The following DDX24 variants were observed in gnomAD, a reference collection of about 807,000 sequenced individuals.
The protein encoded by DDX24 is DEAD-box helicase 24, also known as ATP-dependent RNA helicase DDX24.
DDX24 carries 24 observed loss-of-function variants against 68.9 expected under a neutral mutation model. The ratio of observed to expected loss-of-function variants is 0.35; its 90% confidence interval spans 0.25 to 0.49. DDX24 has a LOEUF of 0.49. Among genes scored for constraint, DDX24 ranks in the 20% least tolerant of loss-of-function variants. The probability of loss-of-function intolerance (pLI) is 0.99; values close to 1 mark genes in which losing one functional copy is unlikely to be tolerated. For synonymous variants in DDX24, 395 were observed against 385.2 expected (o/e 1.03, Z -0.30); for missense variants, 989 against 1,039.0 (o/e 0.95, Z 0.66).
intron 7 of DDX24, 43 bp from the exon 8 acceptor site, chr14:94,053,170 A>G (rs977118805): frequency 2.5e-6 from 4 of 1,612,430 alleles, no homozygotes; most frequent in Middle Eastern, 1.7e-4. Flanking sequence ...AATAGAGTTC[A>G]GGCCTCTGGG....
intron 2 of DDX24, among the ~76,000 whole-genome samples, chr14:94,064,423 T>C (rs935445608): frequency 6.6e-6 from 1 of 152,226 alleles, no homozygotes; most frequent in African/African-American, 2.4e-5. Context: ...CTGGAGTCCC[T>C]AGACAGCTTC....
chr14:94,063,788 C>T (rs984289966), intron 2 of DDX24, among the ~76,000 whole-genome samples: 109 of 152,100 alleles, frequency 7.2e-4, no homozygotes, highest in African/African-American at 2.5e-3. Context: ...CTGTAGTCTT[C>T]GAAACTTGGG....
Position 94,048,882 on chromosome 14 carries a change from C to G in DDX24, c.*2309G>C, listed in dbSNP as rs775306730. The stretch of plus-strand genomic sequence containing the variant: ...ATGTGGGCCAAGCCCTACAGCTTCC[C>G]TAGGCAGTAAGTAAAAACATTCTCC... On this transcript the variant is annotated 3_prime_UTR_variant, in exon 9 of 9. Coordinates refer to ENST00000621632, the MANE Select transcript of DDX24 (RefSeq NM_020414.4). The G allele has an allele frequency of 3.3e-5, 5 of 152,246 alleles. No homozygotes were observed. Among genetic ancestry groups the G allele is most frequent in the African/African-American group, 4.8e-5 (2 of 41,468 alleles). The allele number at this position is 152,246 out of a possible 1,614,324, so 9.4% of individuals were successfully genotyped here.
intron 6 of DDX24, chr14:94,056,928 G>A (rs148131622): frequency 6.6e-6 from 1 of 152,164 alleles, no homozygotes. Context: ...TGAGTTTGTT[G>A]TTTCTCTGAA....
chr14:94,051,077 G>A lies in DDX24; in HGVS notation c.*114C>T. ...TCCCGCTATGGGTGTGAGTGGAAGA[G>A]AGGGAGACTTTTTTACCTGGGGTTG... On this transcript the variant is annotated 3_prime_UTR_variant, in exon 9 of 9. Coordinates refer to ENST00000621632, the MANE Select transcript of DDX24 (RefSeq NM_020414.4). 7.6e-7 allele frequency: 1 copy of A among 1,314,598 alleles called. No individual in the cohort carries two copies. Among genetic ancestry groups the A allele is most frequent in the Admixed American group, 2.7e-5 (1 of 37,384 alleles). The allele number at this position is 1,314,598 out of a possible 1,614,324, so 81.4% of individuals were successfully genotyped here. A position where few individuals can be genotyped will look rare whatever the true frequency, so the allele number is the denominator to read the frequency against.
intron 3 of DDX24, among the ~76,000 whole-genome samples, chr14:94,061,740 A>ACT (rs1885601139): frequency 1.3e-5 from 2 of 152,118 alleles, no homozygotes; most frequent in South Asian, 4.1e-4. Flanking sequence ...ACAACTATTA[A>ACT]CTCTACTCAA....
chr14:94,052,510 C>A (rs148180656), intron 8 of DDX24, among the ~76,000 whole-genome samples: 2 of 152,310 alleles, frequency 1.3e-5, no homozygotes, highest in Non-Finnish European at 2.9e-5. Flanking sequence ...GTAGTAGGAA[C>A]CATAATGACA....
At chr14:94,053,260 G>A in intron 7 of DDX24, 133 bp from the exon 8 acceptor site, 19 of 1,126,998 alleles carry the variant, frequency 1.7e-5, no homozygotes, top group South Asian at 3.0e-5. Context: ...GCAGTGGCAT[G>A]ATCATGGCTC....
chr14:94,074,194 G>A (rs1201054382), intron 2 of DDX24, among the ~76,000 whole-genome samples: 1 of 152,116 alleles, frequency 6.6e-6, no homozygotes, highest in Non-Finnish European at 1.5e-5. Context: ...TGTCAATCCT[G>A]TATAAATTCT....
In DDX24 at chr14:94,064,583, C is replaced by T. The variant is rs1006627959; in HGVS notation, c.719-1962G>A. ...ATGGAACCTCCACAAAATCTCTAAA[C>T]GATGGAGTTCGGATAGATTCCAGGG... On this transcript the variant is annotated intron_variant, in intron 2 of 8. Transcript: ENST00000621632. 3.3e-5 allele frequency among the ~76,000 whole-genome samples: 5 copies of T among 152,234 alleles called. No homozygotes were observed. The South Asian group carries it at 8.3e-4, about 25-fold the overall frequency.
chr14:94,073,678 T>A (rs756322015), intron 2 of DDX24, among the ~76,000 whole-genome samples: 20 of 152,100 alleles, frequency 1.3e-4, no homozygotes, highest in Non-Finnish European at 2.6e-4. Flanking sequence ...AAACATGTAT[T>A]CACATAAACT....
In DDX24 at chr14:94,052,983, C is replaced by A; in HGVS notation, c.2308+15G>T. ...ATTTCAACTTCCTCAATTCCCATCCCGCCCAAGGGCTTACCCTTATACATG... is the reference window on the plus strand; with the variant it reads ...ATTTCAACTTCCTCAATTCCCATCCAGCCCAAGGGCTTACCCTTATACATG... On this transcript the variant is annotated intron_variant, in intron 8 of 8. Coordinates refer to ENST00000621632, the MANE Select transcript of DDX24 (RefSeq NM_020414.4). 6.3e-7 allele frequency: 1 copy of A among 1,590,872 alleles called. No homozygotes were observed.
intron 2 of DDX24, among the ~76,000 whole-genome samples, chr14:94,071,629 A>C (rs1230679106): frequency 4.6e-5 from 7 of 151,812 alleles, no homozygotes; most frequent in Non-Finnish European, 1.0e-4. Context: ...CAGCCTGGGC[A>C]ACAGAGTGAG....
chr14:94,079,523 G>T lies in DDX24; in HGVS notation c.220C>A (p.Pro74Thr), dbSNP rs144641117. 1 of 1,613,870 alleles carries T rather than the reference G, an allele frequency of 6.2e-7. No individual in the cohort carries two copies. The highest frequency in any genetic ancestry group is 1.3e-5 in the African/African-American group (1 of 74,852). Residue 74 changes from proline to threonine, a missense_variant, in exon 2 of 9, where the codon CCC (proline) becomes ACC (threonine). Coordinates refer to ENST00000621632, the MANE Select transcript of DDX24 (RefSeq NM_020414.4). Reference sequence around the variant, plus strand: ...GAAACAGCTTGTGCCTTTCTCTTGGGTGCTTCCTTTGAGAAGAGACTGGAG... The same window carrying T: ...GAAACAGCTTGTGCCTTTCTCTTGGTTGCTTCCTTTGAGAAGAGACTGGAG... ...NPSSLFSKEAPKRKAQAVSEE... is the reference protein window; with the variant it reads ...NPSSLFSKEATKRKAQAVSEE...
chr14:94,058,683 A>C (rs1046964646), intron 5 of DDX24, among the ~76,000 whole-genome samples: 1 of 152,178 alleles, frequency 6.6e-6, no homozygotes, highest in African/African-American at 2.4e-5. Context: ...GCTTCAAAAC[A>C]TAAGACTCTG....
Position 94,053,080 on chromosome 14 carries a change from G to A in DDX24, c.2226C>T (p.Asn742=). 2 of 1,614,206 alleles carry A rather than the reference G, an allele frequency of 1.2e-6. No homozygotes were observed. The highest frequency in any genetic ancestry group is 1.7e-6 in the Non-Finnish European group (2 of 1,180,038). ...ARQIEKSEYR[N]FQACLHNSWI... ...AAGAGTTGTGCAGGCAAGCCTGGAA[G>A]TTCCGATACTCAGATTTCTCAATCT... The change falls in exon 8 of 9, where the codon AAC becomes AAT. Residue 742 remains asparagine, a synonymous_variant. Transcript: ENST00000621632.
At chr14:94,059,196 G>A (rs942703269) in intron 5 of DDX24, among the ~76,000 whole-genome samples, 1 of 152,224 alleles carries the variant, frequency 6.6e-6, no homozygotes, top group African/African-American at 2.4e-5. Flanking sequence ...TCAAACACTT[G>A]TTCTAGAAAC....
chr14:94,057,120 A>G (rs2141423453), intron 6 of DDX24: 2 of 152,342 alleles, frequency 1.3e-5, no homozygotes, highest in African/African-American at 4.8e-5. Context: ...TTTACAAACA[A>G]TGACACTGAA....
Position 94,051,340 on chromosome 14 carries a change from T to A in DDX24, c.2431A>T (p.Thr811Ser). ...AGCAGGGGCGGCTTGCCAGACTGAG[T>A]GGGATACTTGGTTTTCTGGCTCTCC... ...FTESQKTKYP[T>S]QSGKPPLLVS... Residue 811 changes from threonine (T) to serine (S), a missense_variant, in exon 9 of 9, where the codon ACT becomes TCT. By Grantham distance (58) the Thr-to-Ser change is moderately conservative (BLOSUM62 1). This residue lies in a region of DDX24 where 691 missense variants were observed against 760.0 expected (regional missense o/e 0.91). Transcript: ENST00000621632. 1 of 1,613,132 alleles carries A rather than the reference T, an allele frequency of 6.2e-7. No individual in the cohort carries two copies. The highest frequency in any genetic ancestry group is 8.5e-7 in the Non-Finnish European group (1 of 1,179,806).
Sources: allele counts gnomAD v4.1 joint callset (sites outside exome capture counted in the v4.1 genomes callset), GRCh38; gene constraint gnomAD v4.1.1; regional missense constraint gnomAD v4.1.1; transcripts MANE v1.5; gene names NCBI Gene and HGNC (gene_info 2026-07-23, HGNC 2026-07-21).